The following NOL8 variants were observed in gnomAD, a reference collection of about 807,000 sequenced individuals.
NOL8 encodes nucleolar protein Nop132.
Under a neutral mutation model 116.1 loss-of-function variants are expected in NOL8, and 93 were observed. The ratio of observed to expected loss-of-function variants is 0.80; its 90% CI spans 0.68 to 0.95. NOL8 has a LOEUF of 0.95. Ranked by LOEUF, NOL8 falls within the 40% of genes least tolerant of loss-of-function variation. The pLI is 0.00. For missense variants in NOL8, 1,291 were observed against 1,382.8 expected (o/e 0.93, Z 1.05); for synonymous variants, 419 against 469.0 (o/e 0.89, Z 1.38).
chr9:92,319,370 A>G lies in NOL8; in HGVS notation c.282-14T>C, dbSNP rs1839721719. 1.3e-6 allele frequency: 2 copies of G among 1,529,900 alleles called. No individual in the cohort carries two copies. Among genetic ancestry groups the G allele is most frequent in the Non-Finnish European group, 1.7e-6 (2 of 1,147,274 alleles). The allele number at this position is 1,529,900 out of a possible 1,614,324, so 94.8% of individuals were successfully genotyped here. A position where few individuals can be genotyped will look rare whatever the true frequency, so the allele number is the denominator to read the frequency against. On this transcript the variant is annotated splice_polypyrimidine_tract_variant and intron_variant, in intron 4 of 16. Transcript: ENST00000442668. ...TCTTGGGCCAATCTGAATCAAAAAG[A>G]AAATACAAATAAAAGAGTCAAAATA...
At chr9:92,301,523 A>T (rs778018525) in intron 13 of NOL8, 28 bp downstream of exon 13, 21 of 1,516,204 alleles carry the variant, frequency 1.4e-5, no homozygotes, top group Non-Finnish European at 1.9e-5. Context: ...TGAATAAAAT[A>T]AAAAAGTATG....
intron 7 of NOL8, among the ~76,000 whole-genome samples, chr9:92,312,635 T>C (rs2134122263): frequency 6.6e-6 from 1 of 150,874 alleles, no homozygotes; most frequent in South Asian, 2.1e-4. Context: ...GAGACCAGCC[T>C]GGCCAACATG....
intron 12 of NOL8, 93 bp from the exon 13 acceptor site, chr9:92,301,915 A>T: frequency 2.0e-6 from 2 of 1,016,990 alleles, no homozygotes; most frequent in South Asian, 3.5e-5. Flanking sequence ...GGACAACTTT[A>T]ATTCTATCCT....
chr9:92,318,578 T>C (rs1376814795), intron 6 of NOL8, 40 bp downstream of exon 6: 1 of 1,350,534 alleles, frequency 7.4e-7, no homozygotes, highest in African/African-American at 1.5e-5. Context: ...CAAGTATCCG[T>C]CACTGTGGTA....
At chr9:92,321,225 C>T (rs1839895959) in intron 4 of NOL8, among the ~76,000 whole-genome samples, 1 of 152,258 alleles carries the variant, frequency 6.6e-6, no homozygotes, top group East Asian at 1.9e-4. Context: ...CCTGCATATA[C>T]ATAGGATATG....
chr9:92,298,657 G>A (rs1837454727), intron 15 of NOL8: 2 of 481,374 alleles, frequency 4.2e-6, no homozygotes, highest in Non-Finnish European at 3.6e-6. Flanking sequence ...ATCTAAGGAA[G>A]CCCTTGGAAC....
Position 92,303,202 on chromosome 9 carries a change from A to T in NOL8, c.2904-1380T>A, listed in dbSNP as rs187129182. ...TAATCTCCAGAAGGCAAATGACATG[A>T]AATTTAAGAAAGGGCTTCTAAGCAA... On this transcript the variant is annotated intron_variant, in intron 12 of 16. Coordinates refer to ENST00000442668, the MANE Select transcript of NOL8 (RefSeq NM_017948.6). Among the ~76,000 whole-genome samples the T allele has an allele frequency of 5.6e-4, 85 of 152,324 alleles. 1 individual carries two copies. Among genetic ancestry groups the T allele is most frequent in the African/African-American group, 1.7e-3 (71 of 41,572 alleles).
chr9:92,307,381 CAT>C (rs138896822), intron 10 of NOL8, among the ~76,000 whole-genome samples: 4,709 of 152,144 alleles, frequency 0.031, 108 homozygotes, highest in South Asian at 0.08. Context: ...ACATTCTAAA[CAT>C]AATCTAAATT....
Position 92,314,759 on chromosome 9 carries a change from G to A in NOL8, c.1866C>T (p.Gly622=). 2 of 1,613,808 alleles carry A rather than the reference G, an allele frequency of 1.2e-6. No individual in the cohort carries two copies. The highest frequency in any genetic ancestry group is 1.7e-6 in the Non-Finnish European group (2 of 1,179,826). Residue 622 remains glycine (G), a synonymous_variant, in exon 7 of 17, where the codon GGC becomes GGT. Transcript: ENST00000442668. The part of the protein sequence containing the change: ...SMEDGSPYVN[G]SLGEVTPCQH... ...GGCATGGAGTCACTTCACCTAATGA[G>A]CCATTAACATATGGGGACCCATCTT...
Position 92,315,851 on chromosome 9 carries a change from A to G in NOL8, c.774T>C (p.Thr258=). 6.2e-7 allele frequency: 1 copy of G among 1,613,902 alleles called. No individual in the cohort carries two copies. The highest frequency in any genetic ancestry group is 8.5e-7 in the Non-Finnish European group (1 of 1,179,872). Residue 258 remains threonine (T), a synonymous_variant, in exon 7 of 17, where the codon ACT becomes ACC. Coordinates refer to ENST00000442668, the MANE Select transcript of NOL8 (RefSeq NM_017948.6). ...LTQQQAAQKR[T]CDSITPSKSS... is the part of the protein sequence containing the mutation. ...ATTTAGAAGGAGTAATGGAATCACA[A>G]GTTCTTTTTTGTGCAGCCTGTTGCT...
chr9:92,318,576 C>A (rs145208543), intron 6 of NOL8, 42 bp downstream of exon 6: 4 of 1,329,996 alleles, frequency 3.0e-6, no homozygotes, highest in Admixed American at 4.0e-5. Flanking sequence ...TACAAGTATC[C>A]GTCACTGTGG....
intron 3 of NOL8, 175 bp downstream of exon 3, chr9:92,323,266 A>G: frequency 6.6e-7 from 1 of 1,507,356 alleles, no homozygotes; most frequent in Non-Finnish European, 8.8e-7. Context: ...TGCTGATGCC[A>G]AATGGAATGG....
At chr9:92,312,539 C>CTATT (rs1838910208) in intron 7 of NOL8, among the ~76,000 whole-genome samples, 1 of 150,002 alleles carries the variant, frequency 6.7e-6, no homozygotes, top group African/African-American at 2.5e-5. Context: ...GAAAAGCCAC[C>CTATT]TATTGGGCCG....
chr9:92,301,434 A>T lies in NOL8; in HGVS notation c.3175+117T>A. The T allele has an allele frequency of 5.3e-6, 4 of 758,620 alleles. No homozygotes were observed. The South Asian group carries it at 6.1e-5, about 12-fold the overall frequency. 47.0% of individuals were successfully genotyped at this position (758,620 alleles called of 1,614,324 possible). ...TGTGACACTAAATCTCAAATCTTCT[A>T]GGTAGAAGAAAGAGTCCTTTCTTCA... is the stretch of plus-strand genomic sequence containing the variant. On this transcript the variant is annotated intron_variant, in intron 13 of 16. Transcript: ENST00000442668.
chr9:92,297,579 A>G lies in NOL8; in HGVS notation c.*257T>C, dbSNP rs1332438654. ...ACTCAGGATAGAGGGCAAAGAGATT[A>G]TATACAAAAAGTATTTTCAAGGACT... On this transcript the variant is annotated 3_prime_UTR_variant, in exon 17 of 17. Transcript: ENST00000442668. The G allele has an allele frequency of 2.3e-6, 1 of 429,264 alleles. No individual in the cohort carries two copies. Among genetic ancestry groups the G allele is most frequent in the Non-Finnish European group, 4.1e-6 (1 of 241,190 alleles). 26.6% of individuals were successfully genotyped at this position (429,264 alleles called of 1,614,324 possible).
Position 92,324,024 on chromosome 9 carries a change from T to G in NOL8, c.138A>C (p.Gln46His). ...DVEIITRKDDQGNPQKVFAYI... is the reference protein window; with the variant it reads ...DVEIITRKDDHGNPQKVFAYI... The stretch of plus-strand genomic sequence containing the variant: ...GCCCAGTGAAGGACCATAAATTACC[T>G]TGGTCATCTTTCCGTGTGATGATCT... Residue 46 changes from glutamine to histidine, a missense_variant and splice_region_variant, in exon 2 of 17, where the codon CAA (glutamine) becomes CAC (histidine). Physicochemically the swap from Gln to His is conservative, Grantham distance 24. Transcript: ENST00000442668. 6.2e-7 allele frequency: 1 copy of G among 1,613,938 alleles called. No homozygotes were observed. The highest frequency in any genetic ancestry group is 8.5e-7 in the Non-Finnish European group (1 of 1,179,820).
intron 14 of NOL8, 129 bp downstream of exon 14, chr9:92,299,761 A>T (rs1371816210): frequency 2.9e-6 from 3 of 1,051,222 alleles, no homozygotes; most frequent in Non-Finnish European, 1.4e-6. Flanking sequence ...CAAAAAAAAA[A>T]AATAAAATAA....
Position 92,314,167 on chromosome 9 carries a change from C to G in NOL8, c.2358+100G>C, listed in dbSNP as rs189107032. On this transcript the variant is annotated intron_variant, in intron 7 of 16. Transcript: ENST00000442668. The stretch of plus-strand genomic sequence containing the variant: ...AACCAAAACATGAAACTGGTGAACA[C>G]CAAGACAATCAGCTCTATGGGGGCA... 8.8e-3 allele frequency: 12,406 copies of G among 1,402,726 alleles called. 79 individuals carry two copies. Among genetic ancestry groups the G allele is most frequent in the Non-Finnish European group, 0.011 (11,366 of 1,075,202 alleles). The allele number at this position is 1,402,726 out of a possible 1,614,324, so 86.9% of individuals were successfully genotyped here. A position where few individuals can be genotyped will look rare whatever the true frequency, so the allele number is the denominator to read the frequency against.
chr9:92,322,286 T>G (rs1011040399), intron 3 of NOL8, among the ~76,000 whole-genome samples: 1 of 152,224 alleles, frequency 6.6e-6, no homozygotes, highest in Non-Finnish European at 1.5e-5. Context: ...AATTGATTTC[T>G]CTGAGCATCT....
Sources: gnomAD v4.1 joint callset for allele counts (sites outside exome capture counted in the v4.1 genomes callset) on GRCh38, gnomAD v4.1.1 for gene constraint, MANE v1.5 for transcripts, NCBI Gene and HGNC (gene_info 2026-07-23, HGNC 2026-07-21) for gene names.